Variants in IKBKB-DT observed in about 807,000 individuals in gnomAD.
The protein encoded by IKBKB-DT is IKBKB antisense RNA.
intron 3 of IKBKB-DT, among the ~76,000 whole-genome samples, chr8:42,245,936 C>T (rs1807058223): frequency 6.6e-6 from 1 of 152,140 alleles, no homozygotes; most frequent in African/African-American, 2.4e-5. Flanking sequence ...CAATCATAAA[C>T]AGGGAAGTGG....
chr8:42,243,475 C>G (rs1807028490), intron 3 of IKBKB-DT, among the ~76,000 whole-genome samples: 1 of 152,202 alleles, frequency 6.6e-6, no homozygotes, highest in African/African-American at 2.4e-5. Context: ...TCTGTGTTCT[C>G]AGAACCCCAG....
intron 3 of IKBKB-DT, among the ~76,000 whole-genome samples, chr8:42,252,189 G>A (rs975603476): frequency 1.3e-5 from 2 of 152,208 alleles, no homozygotes; most frequent in Non-Finnish European, 2.9e-5. Flanking sequence ...AAAGATTAGG[G>A]TGGGATGGCC....
At chr8:42,264,977 C>T (rs1298666579) in intron 2 of IKBKB-DT, among the ~76,000 whole-genome samples, 2 of 151,994 alleles carry the variant, frequency 1.3e-5, no homozygotes, top group Non-Finnish European at 2.9e-5. Flanking sequence ...ATTCTCCCGC[C>T]TCAGTCTCCC....
intron 3 of IKBKB-DT, among the ~76,000 whole-genome samples, chr8:42,234,475 C>T (rs981845058): frequency 2.0e-5 from 3 of 152,098 alleles, no homozygotes; most frequent in African/African-American, 4.8e-5. Context: ...CATTTTAAGA[C>T]AATAATGAAA....
chr8:42,266,631 T>C (rs1807372742), intron 1 of IKBKB-DT, among the ~76,000 whole-genome samples: 1 of 152,108 alleles, frequency 6.6e-6, no homozygotes, highest in Non-Finnish European at 1.5e-5. Flanking sequence ...TCCCAGATGG[T>C]TAAGGCATTC....
chr8:42,235,115 C>G (rs1806901184), intron 3 of IKBKB-DT, among the ~76,000 whole-genome samples: 1 of 151,124 alleles, frequency 6.6e-6, no homozygotes, highest in Admixed American at 6.6e-5. Flanking sequence ...ACTCTAGAAC[C>G]TAACATTGGC....
chr8:42,252,525 C>T (rs1807142430), intron 3 of IKBKB-DT, among the ~76,000 whole-genome samples: 1 of 152,154 alleles, frequency 6.6e-6, no homozygotes. Context: ...GCCACCACAC[C>T]CAGCTAATTT....
At chr8:42,244,582 C>G (rs901651903) in intron 3 of IKBKB-DT, among the ~76,000 whole-genome samples, 1 of 152,160 alleles carries the variant, frequency 6.6e-6, no homozygotes, top group South Asian at 2.1e-4. Context: ...TGGGATCTTG[C>G]TCTATCACCA....
intron 3 of IKBKB-DT, among the ~76,000 whole-genome samples, chr8:42,235,704 G>T (rs1806911177): frequency 6.6e-6 from 1 of 152,104 alleles, no homozygotes; most frequent in South Asian, 2.1e-4. Flanking sequence ...CAAGCCTCTG[G>T]GGAGATTGAT....
intron 3 of IKBKB-DT, among the ~76,000 whole-genome samples, chr8:42,240,229 T>TC (rs1254013516): frequency 1.3e-5 from 2 of 151,930 alleles, no homozygotes; most frequent in Non-Finnish European, 2.9e-5. Context: ...TGCTGTTTTT[T>TC]TTTTTTTTGA....
intron 3 of IKBKB-DT, among the ~76,000 whole-genome samples, chr8:42,260,039 G>A (rs77902579): frequency 0.019 from 2,916 of 151,314 alleles, 83 homozygotes; most frequent in African/African-American, 0.061. Context: ...GAGAAGTGGA[G>A]AGAAGATGAG....
At chr8:42,251,828 C>CAAAAAAAAAAAAAA (rs59420104) in intron 3 of IKBKB-DT, among the ~76,000 whole-genome samples, 4 of 91,454 alleles carry the variant, frequency 4.4e-5, no homozygotes, top group Admixed American at 1.2e-4. Context: ...GACTCCATCT[C>CAAAAAAAAAAAAAA]AAAAAAAAAA....
intron 3 of IKBKB-DT, among the ~76,000 whole-genome samples, chr8:42,254,663 C>T (rs557096633): frequency 6.9e-6 from 1 of 145,392 alleles, no homozygotes; most frequent in African/African-American, 2.6e-5. Flanking sequence ...GCCAGCCTGT[C>T]TGGGAAGTGA....
intron 3 of IKBKB-DT, among the ~76,000 whole-genome samples, chr8:42,237,021 A>G (rs1806932981): frequency 6.6e-6 from 1 of 151,944 alleles, no homozygotes; most frequent in Admixed American, 6.6e-5. Context: ...CACCCGGCCA[A>G]TGTAGTTGTT....
At chr8:42,263,159 G>A (rs1807313560) in intron 3 of IKBKB-DT, among the ~76,000 whole-genome samples, 2 of 151,846 alleles carry the variant, frequency 1.3e-5, no homozygotes, top group South Asian at 4.2e-4. Context: ...TTACAGGTGT[G>A]AGTCACTATG....
At chr8:42,258,040 G>A (rs1395411770) in intron 3 of IKBKB-DT, among the ~76,000 whole-genome samples, 1 of 151,432 alleles carries the variant, frequency 6.6e-6, no homozygotes, top group Non-Finnish European at 1.5e-5. Flanking sequence ...CTGATAAGAC[G>A]CAGATTTTTT....
At chr8:42,235,205 C>CT (rs746414963) in intron 3 of IKBKB-DT, among the ~76,000 whole-genome samples, 22,909 of 99,170 alleles carry the variant, frequency 0.23, 3,669 homozygotes, top group African/African-American at 0.4. Context: ...CTTTTATTTT[C>CT]TTTTTTTTTT....
intron 3 of IKBKB-DT, among the ~76,000 whole-genome samples, chr8:42,256,226 C>G (rs1807198289): frequency 6.6e-6 from 1 of 151,696 alleles, no homozygotes; most frequent in Admixed American, 6.6e-5. Context: ...AGAGAAAAGC[C>G]ATTAAAGACC....
intron 3 of IKBKB-DT, among the ~76,000 whole-genome samples, chr8:42,261,074 C>T (rs1027861323): frequency 2.0e-5 from 3 of 152,070 alleles, no homozygotes; most frequent in Non-Finnish European, 2.9e-5. Flanking sequence ...ATCTGTAATC[C>T]CAGCACTTTG....
Sources: gnomAD v4.1 joint callset for allele counts (sites outside exome capture counted in the v4.1 genomes callset) on GRCh38, gnomAD v4.1.1 for gene constraint, MANE v1.5 for transcripts, NCBI Gene and HGNC (gene_info 2026-07-23, HGNC 2026-07-21) for gene names.